Variants in FSHR observed in about 807,000 individuals in gnomAD.
The protein encoded by FSHR is follicle-stimulating hormone receptor.
FSHR carries 46 observed loss-of-function variants against 52.1 expected under a neutral mutation model. The observed-to-expected ratio is 0.88, with a 90% CI of 0.70 to 1.13. The LOEUF (loss-of-function observed/expected upper bound fraction) is 1.13, where lower values mean the gene tolerates loss of function less well. FSHR is among the 50% of genes most tolerant of loss of function. FSHR has a pLI of 0.00. For synonymous variants in FSHR, 399 were observed against 309.6 expected, an observed-to-expected ratio of 1.29 and a Z score of -3.03; for missense variants, 964 against 834.6, an observed-to-expected ratio of 1.16 and a Z score of -1.91.
At chr2:49,072,310 G>C (rs1003300440) in intron 1 of FSHR, among the ~76,000 whole-genome samples, 2 of 151,976 alleles carry the variant, frequency 1.3e-5, no homozygotes, top group African/African-American at 4.8e-5. Context: ...ATTATAATTA[G>C]GAATTATTTG....
chr2:49,143,059 A>G (rs1008472337), intron 1 of FSHR, among the ~76,000 whole-genome samples: 1 of 152,196 alleles, frequency 6.6e-6, no homozygotes, highest in African/African-American at 2.4e-5. Context: ...AATGGCACAC[A>G]TATTCTGAAT....
intron 2 of FSHR, among the ~76,000 whole-genome samples, chr2:49,023,173 G>C (rs1667798090): frequency 6.6e-6 from 1 of 152,180 alleles, no homozygotes; most frequent in Non-Finnish European, 1.5e-5. Flanking sequence ...TACTCTACCA[G>C]CACTGAAGTT....
At chr2:48,994,926 A>G (rs1221960882) in intron 4 of FSHR, among the ~76,000 whole-genome samples, 1 of 152,160 alleles carries the variant, frequency 6.6e-6, no homozygotes, top group East Asian at 1.9e-4. Flanking sequence ...GTAAAGTGAA[A>G]GTGAGCTTCT....
chr2:48,988,641 T>A (rs1461938065), intron 6 of FSHR, among the ~76,000 whole-genome samples: 1 of 152,238 alleles, frequency 6.6e-6, no homozygotes, highest in Non-Finnish European at 1.5e-5. Flanking sequence ...TTCCTGATCT[T>A]TTTCTTTGGG....
intron 4 of FSHR, among the ~76,000 whole-genome samples, chr2:48,998,838 G>C (rs1160207601): frequency 6.6e-6 from 1 of 151,940 alleles, no homozygotes; most frequent in African/African-American, 2.4e-5. Context: ...GAGCAAAACA[G>C]GATTTTGTGC....
chr2:49,129,148 T>C (rs1672173105), intron 1 of FSHR, among the ~76,000 whole-genome samples: 1 of 152,044 alleles, frequency 6.6e-6, no homozygotes, highest in African/African-American at 2.4e-5. Context: ...GTCTTGCTCC[T>C]CACACAGCCC....
Position 49,000,601 on chromosome 2 carries a change from A to G in FSHR, c.375-9964T>C, listed in dbSNP as rs1164799494. 2.0e-5 allele frequency among the ~76,000 whole-genome samples: 3 copies of G among 152,154 alleles called. No homozygotes were observed. In the East Asian group the frequency reaches 5.8e-4, roughly 29 times the overall value. ...ACACAATTCTTAACCTCTCATGCACATTGGGCATGAAAGTAGTGTGGAGAG... is the reference window on the plus strand; with the variant it reads ...ACACAATTCTTAACCTCTCATGCACGTTGGGCATGAAAGTAGTGTGGAGAG... On this transcript the variant is annotated intron_variant, in intron 4 of 9. Coordinates refer to ENST00000406846, the MANE Select transcript of FSHR (RefSeq NM_000145.4).
intron 4 of FSHR, among the ~76,000 whole-genome samples, chr2:48,998,515 T>C (rs1573070350): frequency 1.3e-5 from 2 of 152,212 alleles, no homozygotes; most frequent in East Asian, 1.9e-4. Flanking sequence ...TTCCAGGTAC[T>C]AGTAAAATTC....
chr2:48,985,054 A>C (rs1416863784), intron 6 of FSHR, among the ~76,000 whole-genome samples: 1 of 152,204 alleles, frequency 6.6e-6, no homozygotes, highest in Non-Finnish European at 1.5e-5. Context: ...ACCCACATTT[A>C]TTACACGCAC....
intron 2 of FSHR, among the ~76,000 whole-genome samples, chr2:49,025,562 T>C (rs1667887673): frequency 6.6e-6 from 1 of 152,148 alleles, no homozygotes. Context: ...TATATATATG[T>C]CATGTATAAG....
chr2:49,103,572 G>T (rs558151754), intron 1 of FSHR, among the ~76,000 whole-genome samples: 111 of 152,186 alleles, frequency 7.3e-4, no homozygotes, highest in African/African-American at 2.5e-3. Flanking sequence ...ATGTCAAAGG[G>T]CACATTCTGA....
intron 2 of FSHR, among the ~76,000 whole-genome samples, chr2:49,052,545 T>C (rs1023976109): frequency 2.0e-5 from 3 of 152,324 alleles, no homozygotes; most frequent in African/African-American, 7.2e-5. Flanking sequence ...CTTGGGTGTG[T>C]ACATTATTTT....
chr2:49,104,668 C>T (rs535392943), intron 1 of FSHR, among the ~76,000 whole-genome samples: 40 of 152,140 alleles, frequency 2.6e-4, no homozygotes, highest in African/African-American at 8.9e-4. Flanking sequence ...TGGAAGATGA[C>T]AAGAATGTAA....
chr2:49,112,010 A>T (rs372575332), intron 1 of FSHR, among the ~76,000 whole-genome samples: 5 of 152,212 alleles, frequency 3.3e-5, no homozygotes, highest in African/African-American at 1.2e-4. Flanking sequence ...ACTCAAGGTA[A>T]CACAGCTTCC....
Position 48,994,587 on chromosome 2 carries a change from C to G in FSHR, c.375-3950G>C, listed in dbSNP as rs1362998418. Among the ~76,000 whole-genome samples the G allele has an allele frequency of 6.0e-5, 9 of 150,056 alleles. No homozygotes were observed. The Admixed American group carries it at 6.1e-4, about 10-fold the overall frequency. ...ACAGGAAATGGAGTTCAGACGAACA[C>G]TTAGTTTTCAATTCATTTTTCCCCT... On this transcript the variant is annotated intron_variant, in intron 4 of 9. Transcript: ENST00000406846.
chr2:49,096,003 C>T (rs1309762041), intron 1 of FSHR, among the ~76,000 whole-genome samples: 1 of 152,134 alleles, frequency 6.6e-6, no homozygotes, highest in Non-Finnish European at 1.5e-5. Context: ...TTGGAATGCT[C>T]TCACATTGGT....
chr2:49,112,355 T>C (rs1558447686), intron 1 of FSHR, among the ~76,000 whole-genome samples: 1 of 152,152 alleles, frequency 6.6e-6, no homozygotes, highest in Non-Finnish European at 1.5e-5. Flanking sequence ...GAAATATTTA[T>C]GATGAAACAA....
chr2:49,057,122 ACAAAC>A (rs968418465), intron 2 of FSHR, among the ~76,000 whole-genome samples: 8 of 152,134 alleles, frequency 5.3e-5, no homozygotes, highest in Admixed American at 2.6e-4. Flanking sequence ...AAAAGGAAGA[ACAAAC>A]CAAACCAAAA....
rs774816038 is a variant in FSHR, at chr2:48,968,716, G to C, written c.836C>G (p.Ala279Gly). The C allele has an allele frequency of 1.9e-6, 3 of 1,614,022 alleles. No individual in the cohort carries two copies. The highest frequency in any genetic ancestry group is 3.3e-5 in the Admixed American group (2 of 59,992). Reference sequence around the variant, plus strand: ...GACTCACATTTGCCGTCTCCAGTTTGCAAAGGCACAGCAATGGCTGGGATA... The same window carrying C: ...GACTCACATTTGCCGTCTCCAGTTTCCAAAGGCACAGCAATGGCTGGGATA... The part of the protein sequence containing the change: ...LTYPSHCCAF[A>G]NWRRQISELH... Residue 279 changes from alanine (A) to glycine (G), a missense_variant, in exon 9 of 10, where the codon GCA becomes GGA. Transcript: ENST00000406846.
Sources: allele counts gnomAD v4.1 joint callset (sites outside exome capture counted in the v4.1 genomes callset), GRCh38; gene constraint gnomAD v4.1.1; transcripts MANE v1.5; gene names NCBI Gene and HGNC (gene_info 2026-07-23, HGNC 2026-07-21).